ZFP28: variants seen among roughly 807,000 people sequenced by gnomAD.
The protein encoded by ZFP28 is ZFP28 zinc finger protein.
A neutral mutation model predicts 39.5 loss-of-function variants in ZFP28; 31 were observed. The ratio of observed to expected loss-of-function variants is 0.79; its 90% CI spans 0.59 to 1.06. ZFP28 has a LOEUF of 1.06. ZFP28 is among the 50% of genes least tolerant of loss of function. The probability of loss-of-function intolerance (pLI) is 0.00; values close to 1 mark genes in which losing one functional copy is unlikely to be tolerated. For synonymous variants in ZFP28, 400 were observed against 378.6 expected (o/e 1.06, Z -0.66); for missense variants, 925 against 1,048.4 (o/e 0.88, Z 1.63).
chr19:56,539,221 A>G lies in ZFP28; in HGVS notation c.203A>G (p.His68Arg). ...QRGAAPTGPGHRALPSRDTAL... is the reference protein window; with the variant it reads ...QRGAAPTGPGRRALPSRDTAL... ...GGAGCGGCCCCTACGGGGCCTGGGCACAGAGGTGAGAGTGACAGGTGTTTG... is the reference window on the plus strand; with the variant it reads ...GGAGCGGCCCCTACGGGGCCTGGGCGCAGAGGTGAGAGTGACAGGTGTTTG... The change falls in exon 1 of 8, where the codon CAC becomes CGC. Residue 68 changes from histidine to arginine, a missense_variant. This residue lies in a region of ZFP28 where 556 missense variants were observed against 542.9 expected (regional missense o/e 1.02). Coordinates refer to ENST00000301318, the MANE Select transcript of ZFP28 (RefSeq NM_020828.2). The G allele has an allele frequency of 6.3e-7, 1 of 1,575,202 alleles. No homozygotes were observed. Among genetic ancestry groups the G allele is most frequent in the Non-Finnish European group, 8.6e-7 (1 of 1,164,552 alleles).
Position 56,554,803 on chromosome 19 carries a change from A to G in ZFP28, c.2018A>G (p.Tyr673Cys), listed in dbSNP as rs1395103878. The change falls in exon 8 of 8, where the codon TAT becomes TGT. Residue 673 changes from tyrosine to cysteine, a missense_variant. This residue lies in a region of ZFP28 where 369 missense variants were observed against 505.5 expected (regional missense o/e 0.73). Transcript: ENST00000301318. This position sits in a 1 kb window ranked among gnomAD's most constrained non-coding sequence, Gnocchi z 6.7. ...AAAACCCATACAGGAGAGAAACCAT[A>G]TGAGTGCAAGGAATGCGGTAAAGCC... ...HQKTHTGEKPYECKECGKAFS... is the reference protein window; with the variant it reads ...HQKTHTGEKPCECKECGKAFS... The G allele has an allele frequency of 1.2e-6, 2 of 1,614,176 alleles. No individual in the cohort carries two copies. The highest frequency in any genetic ancestry group is 1.7e-6 in the Non-Finnish European group (2 of 1,180,022).
At chr19:56,550,998 C>A in intron 7 of ZFP28, 2 of 1,318,424 alleles carry the variant, frequency 1.5e-6, no homozygotes, top group Non-Finnish European at 1.9e-6. Context: ...GATTGAGCCA[C>A]TCTGCTGAGT....
Position 56,547,387 on chromosome 19 carries a change from C to A in ZFP28, c.301-121C>A. 1.4e-6 allele frequency: 2 copies of A among 1,412,334 alleles called. No homozygotes were observed. Among genetic ancestry groups the A allele is most frequent in the South Asian group, 1.3e-5 (1 of 78,166 alleles). 87.5% of individuals were successfully genotyped at this position (1,412,334 alleles called of 1,614,324 possible). On this transcript the variant is annotated intron_variant, in intron 2 of 7. Coordinates refer to ENST00000301318, the MANE Select transcript of ZFP28 (RefSeq NM_020828.2). This position sits in a 1 kb window ranked among gnomAD's most constrained non-coding sequence, Gnocchi z 4.6. ...CTAAATACAGTCACATTCAAAAGTA[C>A]TGGGGATTAGGAGTTTAATGTAGGA...
chr19:56,543,379 A>ATT (rs898161000), intron 2 of ZFP28, among the ~76,000 whole-genome samples: 164 of 126,428 alleles, frequency 1.3e-3, no homozygotes, highest in African/African-American at 4.9e-3. Context: ...ATATATGTAT[A>ATT]TTATATATAT....
At chr19:56,539,950 C>T (rs1256261914) in intron 2 of ZFP28, among the ~76,000 whole-genome samples, 1 of 152,154 alleles carries the variant, frequency 6.6e-6, no homozygotes, top group Non-Finnish European at 1.5e-5. Flanking sequence ...TGAAATGATT[C>T]AGCCTCTCCC....
At chr19:56,550,385 C>T in intron 6 of ZFP28, 125 bp from the exon 7 acceptor site, 1 of 924,878 alleles carries the variant, frequency 1.1e-6, no homozygotes, top group Non-Finnish European at 1.6e-6. Context: ...TTGTGTCTTT[C>T]AGATCCTACT....
At chr19:56,551,529 A>AT (rs2044303058) in intron 7 of ZFP28, 5 of 984,916 alleles carry the variant, frequency 5.1e-6, no homozygotes, top group Non-Finnish European at 4.8e-6. Flanking sequence ...ATTATAATAG[A>AT]TTTTTTTCAA....
In ZFP28 at chr19:56,550,428, C is replaced by T. The variant is rs878995612; in HGVS notation, c.803-82C>T. On this transcript the variant is annotated intron_variant, in intron 6 of 7. Transcript: ENST00000301318. ...TTTTCTGTTTCTTTCAGCAGTAACA[C>T]TTTTCTATCAACAAGGAAGTGGTTC... 5.6e-6 allele frequency: 7 copies of T among 1,250,988 alleles called. No individual in the cohort carries two copies. The South Asian group carries it at 9.5e-5, about 17-fold the overall frequency. 77.5% of individuals were successfully genotyped at this position (1,250,988 alleles called of 1,614,324 possible).
Position 56,554,158 on chromosome 19 carries a change from G to A in ZFP28, c.1373G>A (p.Ser458Asn). The change falls in exon 8 of 8, where the codon AGT becomes AAT. Residue 458 changes from serine to asparagine, a missense_variant. By Grantham distance (46) the Ser-to-Asn change is conservative (BLOSUM62 1). This residue lies in a region of ZFP28 where 369 missense variants were observed against 505.5 expected (regional missense o/e 0.73). Transcript: ENST00000301318. The surrounding 1 kb of genome is among the most constrained non-coding windows in gnomAD (Gnocchi z 6.7). ...TGTAATGAATGTGGGAAGGCCTTTA[G>A]TGACGGCTCATCCTTTGCCCGACAC... Reference protein sequence around the residue: ...YKCNECGKAFSDGSSFARHQR... With the variant: ...YKCNECGKAFNDGSSFARHQR... The A allele has an allele frequency of 6.2e-7, 1 of 1,614,210 alleles. No individual in the cohort carries two copies. Among genetic ancestry groups the A allele is most frequent in the Non-Finnish European group, 8.5e-7 (1 of 1,180,044 alleles).
chr19:56,546,881 A>C (rs1463312009), intron 2 of ZFP28: 1 of 152,364 alleles, frequency 6.6e-6, no homozygotes, highest in African/African-American at 2.4e-5. Flanking sequence ...GCCTCCTTTC[A>C]CCTCCACAAA....
intron 7 of ZFP28, chr19:56,552,561 T>TA (rs2044313637): frequency 6.6e-6 from 1 of 152,198 alleles, no homozygotes; most frequent in African/African-American, 2.4e-5. Context: ...GCAACATTGA[T>TA]ATGAATGCTA....
In ZFP28 at chr19:56,554,179, G is replaced by A. The variant is rs774345162; in HGVS notation, c.1394G>A (p.Arg465Gln). 8.1e-6 allele frequency: 13 copies of A among 1,613,854 alleles called. No homozygotes were observed. Among genetic ancestry groups the A allele is most frequent in the Non-Finnish European group, 1.0e-5 (12 of 1,179,964 alleles). ...TTTAGTGACGGCTCATCCTTTGCCCGACACCAGAGATGTCACACTGGCAAG... is the reference window on the plus strand; with the variant it reads ...TTTAGTGACGGCTCATCCTTTGCCCAACACCAGAGATGTCACACTGGCAAG... ...KAFSDGSSFA[R>Q]HQRCHTGKKP... The change falls in exon 8 of 8, where the codon CGA becomes CAA. Residue 465 changes from arginine (R) to glutamine (Q), a missense_variant. This residue lies in a region of ZFP28 where 369 missense variants were observed against 505.5 expected (regional missense o/e 0.73). Transcript: ENST00000301318. The surrounding 1 kb of genome is among the most constrained non-coding windows in gnomAD (Gnocchi z 6.7).
chr19:56,549,561 C>T (rs2044275739), intron 5 of ZFP28, among the ~76,000 whole-genome samples: 1 of 152,038 alleles, frequency 6.6e-6, no homozygotes, highest in Admixed American at 6.5e-5. Flanking sequence ...CCTGTAGTCC[C>T]AGCTACTCAG....
At chr19:56,550,908 G>A (rs1241776512) in intron 7 of ZFP28, 1 of 1,428,242 alleles carries the variant, frequency 7.0e-7, no homozygotes, top group Admixed American at 2.9e-5. Flanking sequence ...ACTTCCAAAG[G>A]TTTTCTCTTC....
At chr19:56,538,767 A>AGGGGCGGGGCGGGGC (rs1176564398), upstream of ZFP28, among the ~76,000 whole-genome samples, 9 of 102,834 alleles carry the variant, frequency 8.8e-5, no homozygotes, top group East Asian at 3.1e-4. Context: ...CTCTAGGCTG[A>AGGGGCGGGGCGGGGC]GGGGCGGGGC....
chr19:56,552,486 T>C (rs1472706542), intron 7 of ZFP28: 1 of 152,196 alleles, frequency 6.6e-6, no homozygotes, highest in Non-Finnish European at 1.5e-5. Flanking sequence ...GTTTGTATTC[T>C]ATTCATAGTG....
Position 56,556,351 on chromosome 19 carries a change from A to C in ZFP28, c.*959A>C, listed in dbSNP as rs1445628938. The C allele has an allele frequency of 2.0e-5, 3 of 152,240 alleles. No individual in the cohort carries two copies. Among genetic ancestry groups the C allele is most frequent in the African/African-American group, 7.2e-5 (3 of 41,466 alleles). 9.4% of individuals were successfully genotyped at this position (152,240 alleles called of 1,614,324 possible). The stretch of plus-strand genomic sequence containing the variant: ...AGCAGAGTTGAGCAGTTGTGACAGG[A>C]GACCATGTGGCCTGCAGAGCCCAAA... On this transcript the variant is annotated 3_prime_UTR_variant, in exon 8 of 8. Transcript: ENST00000301318.
At position 56,555,925 on chromosome 19, in the gene ZFP28, A is replaced by G. The variant is rs2044346866; in HGVS notation, c.*533A>G. On this transcript the variant is annotated 3_prime_UTR_variant, in exon 8 of 8. Transcript: ENST00000301318. The stretch of plus-strand genomic sequence containing the variant: ...CATGAATGAATAGGCCAGCTGGGAC[A>G]AATGAATTTAAAAAATCAGAAAAAT... 1 of 152,388 alleles carries G rather than the reference A, an allele frequency of 6.6e-6. No individual in the cohort carries two copies. Among genetic ancestry groups the G allele is most frequent in the South Asian group, 2.1e-4 (1 of 4,826 alleles). 9.4% of individuals were successfully genotyped at this position (152,388 alleles called of 1,614,324 possible). A position where few individuals can be genotyped will look rare whatever the true frequency, so the allele number is the denominator to read the frequency against.
Position 56,547,786 on chromosome 19 carries a change from G to C in ZFP28, c.428-21G>C. On this transcript the variant is annotated intron_variant, in intron 3 of 7. Coordinates refer to ENST00000301318, the MANE Select transcript of ZFP28 (RefSeq NM_020828.2). This position sits in a 1 kb window ranked among gnomAD's most constrained non-coding sequence, Gnocchi z 4.6. ...TCTGGACAGCCACACAGTATGACCA[G>C]GTTGTTTTTTATGTGTCTAGGACTT... 6.2e-7 allele frequency: 1 copy of C among 1,613,884 alleles called. No homozygotes were observed. Among genetic ancestry groups the C allele is most frequent in the Non-Finnish European group, 8.5e-7 (1 of 1,179,850 alleles).
Sources: allele counts gnomAD v4.1 joint callset (sites outside exome capture counted in the v4.1 genomes callset), GRCh38; gene constraint gnomAD v4.1.1; regional missense constraint gnomAD v4.1.1; non-coding constraint Gnocchi (gnomAD v3.1); transcripts MANE v1.5; gene names NCBI Gene and HGNC (gene_info 2026-07-23, HGNC 2026-07-21).